TYROBP: variants seen among roughly 807,000 people sequenced by gnomAD.
TYROBP encodes the protein transmembrane immune signaling adaptor TYROBP.
Under a neutral mutation model 17.1 loss-of-function variants are expected in TYROBP, and 14 were observed. That is an observed-to-expected ratio of 0.82 (90% CI 0.54 to 1.28). The LOEUF (loss-of-function observed/expected upper bound fraction) is 1.28, where lower values mean the gene tolerates loss of function less well. Among genes scored for constraint, TYROBP ranks in the 50% most tolerant of loss-of-function variants. TYROBP has a pLI of 0.00. For missense variants in TYROBP, 161 were observed against 151.4 expected (o/e 1.06, Z -0.33); for synonymous variants, 73 against 67.4 (o/e 1.08, Z -0.41).
chr19:35,907,471 G>A lies in TYROBP; in HGVS notation c.204C>T (p.Val68=). The A allele has an allele frequency of 6.2e-7, 1 of 1,613,384 alleles. No individual in the cohort carries two copies. The change falls in exon 3 of 5, where the codon GTC becomes GTT. Residue 68 remains valine (V), a synonymous_variant. Transcript: ENST00000262629. ...CCTCCGCAGCCCCTCGCCCCCGAGG[G>A]ACCAGCCGGCCCAGGAAGTACACGG... ...ALAVYFLGRL[V]PRGRGAAEAA...
chr19:35,904,962 T>TAAA (rs78604543), intron 4 of TYROBP, among the ~76,000 whole-genome samples: 4 of 132,352 alleles, frequency 3.0e-5, no homozygotes, highest in Non-Finnish European at 5.0e-5. Context: ...CCAGCCACTG[T>TAAA]AAAAAAAAAA....
chr19:35,907,898 G>A (rs2146989580), intron 1 of TYROBP, 136 bp from the exon 2 acceptor site: 3 of 943,756 alleles, frequency 3.2e-6, no homozygotes, highest in Non-Finnish European at 5.0e-6. Flanking sequence ...CGGGACTCAG[G>A]GGGCTGGCGT....
In TYROBP at chr19:35,904,565, G is replaced by C. The variant is rs758119257; in HGVS notation, c.*4C>G. ...ATCATGTTGCTGACTGTCATGATTC[G>C]GGCTCATTTGTAATACGGCCTCTGT... On this transcript the variant is annotated 3_prime_UTR_variant, in exon 5 of 5. Coordinates refer to ENST00000262629, the MANE Select transcript of TYROBP (RefSeq NM_003332.4). 3 of 1,613,378 alleles carry C rather than the reference G, an allele frequency of 1.9e-6. No individual in the cohort carries two copies. The highest frequency in any genetic ancestry group is 4.5e-5 in the East Asian group (2 of 44,870).
At chr19:35,905,226 G>A (rs1009049850) in intron 4 of TYROBP, among the ~76,000 whole-genome samples, 1 of 152,178 alleles carries the variant, frequency 6.6e-6, no homozygotes, top group African/African-American at 2.4e-5. Flanking sequence ...GAGATTCTTA[G>A]ACTTCACAAA....
At chr19:35,907,397 AC>A in intron 3 of TYROBP, 48 bp downstream of exon 3, 1 of 951,466 alleles carries the variant, frequency 1.1e-6, no homozygotes, top group Non-Finnish European at 1.6e-6. Context: ...CCAGCCCCCC[AC>A]CCCCATCTAG....
chr19:35,905,708 A>C (rs1975704525), intron 4 of TYROBP, among the ~76,000 whole-genome samples: 1 of 151,650 alleles, frequency 6.6e-6, no homozygotes, highest in Admixed American at 6.6e-5. Flanking sequence ...TAATCCCAGC[A>C]CTTTGGGAGG....
At position 35,908,168 on chromosome 19, in the gene TYROBP, C is replaced by T. The variant is rs1438806985; in HGVS notation, c.61G>A (p.Gly21Ser). ...GCAGCCACGGAAGCCCCTAACTCAC[C>T]ACTTACAGCCAGCAGGAGAGGCAGG... ...LLLPLLLAVS[G>S]LRPVQAQAQS... The change falls in exon 1 of 5, where the codon GGT becomes AGT. Residue 21 changes from glycine (G) to serine (S), a missense_variant and splice_region_variant. Transcript: ENST00000262629. 1.2e-6 allele frequency: 2 copies of T among 1,613,686 alleles called. No individual in the cohort carries two copies. Among genetic ancestry groups the T allele is most frequent in the Non-Finnish European group, 1.7e-6 (2 of 1,179,918 alleles).
At chr19:35,906,388 C>CA (rs78480298) in intron 4 of TYROBP, among the ~76,000 whole-genome samples, 2 of 151,194 alleles carry the variant, frequency 1.3e-5, no homozygotes, top group Non-Finnish European at 2.9e-5. Context: ...CATGCCTGGC[C>CA]AAAAAAAAAT....
At chr19:35,905,050 T>A (rs1301542322) in intron 4 of TYROBP, among the ~76,000 whole-genome samples, 2 of 152,114 alleles carry the variant, frequency 1.3e-5, no homozygotes, top group Non-Finnish European at 2.9e-5. Flanking sequence ...TTGTCTTAAC[T>A]AGGATATAAA....
chr19:35,908,138 G>T, intron 1 of TYROBP, 30 bp downstream of exon 1: 1 of 1,607,250 alleles, frequency 6.2e-7, no homozygotes, highest in Non-Finnish European at 8.5e-7. Context: ...CCAGGGACCC[G>T]GGAGGCAGCC....
chr19:35,907,421 G>T (rs1198835128), intron 3 of TYROBP, 25 bp downstream of exon 3: 2 of 1,610,398 alleles, frequency 1.2e-6, no homozygotes. Context: ...AAGTCCTCAG[G>T]ATGTCCCCTG....
intron 4 of TYROBP, among the ~76,000 whole-genome samples, chr19:35,906,779 G>C (rs1375688616): frequency 6.6e-6 from 1 of 150,808 alleles, no homozygotes; most frequent in African/African-American, 2.4e-5. Context: ...CCAGGCTGGA[G>C]TGCAATTGCG....
chr19:35,904,854 G>A (rs1568503275), intron 4 of TYROBP, among the ~76,000 whole-genome samples: 1 of 151,096 alleles, frequency 6.6e-6, no homozygotes, highest in Non-Finnish European at 1.5e-5. Context: ...CTAAAACTCT[G>A]TTCCCCTAGA....
rs563691426 is a variant in TYROBP, at chr19:35,907,460, C to A, written c.215G>T (p.Arg72Leu). 6.2e-7 allele frequency: 1 copy of A among 1,613,294 alleles called. No homozygotes were observed. Among genetic ancestry groups the A allele is most frequent in the Non-Finnish European group, 8.5e-7 (1 of 1,179,952 alleles). Residue 72 changes from arginine (R) to leucine (L), a missense_variant, in exon 3 of 5, where the codon CGA (arginine) becomes CTA (leucine). Transcript: ENST00000262629. Reference sequence around the variant, plus strand: ...GCCCCACTCACCCTCCGCAGCCCCTCGCCCCCGAGGGACCAGCCGGCCCAG... The same window carrying A: ...GCCCCACTCACCCTCCGCAGCCCCTAGCCCCCGAGGGACCAGCCGGCCCAG... ...YFLGRLVPRG[R>L]GAAEAATRKQ...
chr19:35,906,176 C>T lies in TYROBP; in HGVS notation c.276+1042G>A, dbSNP rs151204635. On this transcript the variant is annotated intron_variant, in intron 4 of 4. Transcript: ENST00000262629. Reference sequence around the variant, plus strand: ...TGTCGCCCAGGCTCACTGCAACCTCCGCCCCCTGGGTTCAAGCGATTCTCT... The same window carrying T: ...TGTCGCCCAGGCTCACTGCAACCTCTGCCCCCTGGGTTCAAGCGATTCTCT... 9.6e-3 allele frequency among the ~76,000 whole-genome samples: 1,447 copies of T among 151,256 alleles called. 20 individuals are homozygous for T. Among genetic ancestry groups the T allele is most frequent in the African/African-American group, 0.033 (1,343 of 41,206 alleles).
At chr19:35,904,761 A>G in intron 4 of TYROBP, 127 bp from the exon 5 acceptor site, 1 of 816,062 alleles carries the variant, frequency 1.2e-6, no homozygotes, top group Non-Finnish European at 2.0e-6. Flanking sequence ...GATTTTATTC[A>G]AGTACATTCA....
chr19:35,904,980 C>G (rs1188699397), intron 4 of TYROBP, among the ~76,000 whole-genome samples: 1 of 149,732 alleles, frequency 6.7e-6, no homozygotes, highest in Non-Finnish European at 1.5e-5. Flanking sequence ...AAAAAAAAAG[C>G]CTGTTTATTT....
intron 4 of TYROBP, among the ~76,000 whole-genome samples, chr19:35,905,319 G>T (rs1975694847): frequency 6.6e-6 from 1 of 152,210 alleles, no homozygotes; most frequent in South Asian, 2.1e-4. Context: ...GTTCACACTT[G>T]GGGTAGGGGG....
chr19:35,908,142 G>C lies in TYROBP; in HGVS notation c.61+26C>G, dbSNP rs779590517. The C allele has an allele frequency of 5.0e-6, 8 of 1,609,908 alleles. No homozygotes were observed. In the East Asian group the frequency reaches 1.8e-4, roughly 36 times the overall value. On this transcript the variant is annotated intron_variant, in intron 1 of 4. Coordinates refer to ENST00000262629, the MANE Select transcript of TYROBP (RefSeq NM_003332.4). ...CCAAGCTGAGCCCAGGGACCCGGGAGGCAGCCACGGAAGCCCCTAACTCAC... is the reference window on the plus strand; with the variant it reads ...CCAAGCTGAGCCCAGGGACCCGGGACGCAGCCACGGAAGCCCCTAACTCAC...
Sources: allele counts gnomAD v4.1 joint callset (sites outside exome capture counted in the v4.1 genomes callset), GRCh38; gene constraint gnomAD v4.1.1; transcripts MANE v1.5; gene names NCBI Gene and HGNC (gene_info 2026-07-23, HGNC 2026-07-21).